Variants in SHISA9 observed in about 807,000 individuals in gnomAD.
The protein encoded by SHISA9 is shisa family member 9, also known as protein shisa-9.
Under a neutral mutation model 38.0 loss-of-function variants are expected in SHISA9, and 13 were observed. The ratio of observed to expected loss-of-function variants is 0.34; its 90% CI spans 0.22 to 0.54. SHISA9 has a LOEUF of 0.54. Among genes scored for constraint, SHISA9 ranks in the 20% least tolerant of loss-of-function variants. The pLI is 0.91. For synonymous variants in SHISA9, 275 were observed against 242.0 expected (o/e 1.14, Z -1.27); for missense variants, 538 against 575.8 (o/e 0.93, Z 0.67).
intron 2 of SHISA9, among the ~76,000 whole-genome samples, chr16:13,111,949 G>A (rs139069787): frequency 6.6e-6 from 1 of 152,252 alleles, no homozygotes; most frequent in African/African-American, 2.4e-5. Flanking sequence ...GGCTCAGAGA[G>A]GTTAGGAAAC....
chr16:13,463,569 A>T, the SHISA9 span, among the ~76,000 whole-genome samples: 1 of 152,216 alleles, frequency 6.6e-6, no homozygotes, highest in African/African-American at 2.4e-5. Context: ...TGCTTCTGGT[A>T]GCCAAGGTCT....
intron 2 of SHISA9, among the ~76,000 whole-genome samples, chr16:13,155,180 CTGGGATCAAA>C (rs2050533445): frequency 6.6e-6 from 1 of 152,096 alleles, no homozygotes; most frequent in Admixed American, 6.5e-5. Flanking sequence ...ATGGATTGAA[CTGGGATCAAA>C]TGGGATGAGT....
the SHISA9 span, among the ~76,000 whole-genome samples, chr16:13,519,719 C>T: frequency 3.3e-5 from 5 of 152,132 alleles, no homozygotes; most frequent in East Asian, 3.8e-4. Flanking sequence ...AAAGAATACA[C>T]GTCCTTCTTC....
At chr16:12,975,384 A>G (rs945501718) in intron 2 of SHISA9, among the ~76,000 whole-genome samples, 1 of 152,004 alleles carries the variant, frequency 6.6e-6, no homozygotes, top group African/African-American at 2.4e-5. Context: ...GGCACCTGTA[A>G]TCCCAGCTAC....
At chr16:13,146,817 T>A (rs966886758) in intron 2 of SHISA9, among the ~76,000 whole-genome samples, 5 of 152,200 alleles carry the variant, frequency 3.3e-5, no homozygotes, top group African/African-American at 1.2e-4. Flanking sequence ...ATGAATGGGA[T>A]CTGTTCTCCA....
intron 2 of SHISA9, among the ~76,000 whole-genome samples, chr16:13,058,268 G>T (rs1326370221): frequency 6.6e-6 from 1 of 152,166 alleles, no homozygotes; most frequent in Non-Finnish European, 1.5e-5. Context: ...AGGTTCCCAG[G>T]ACTAGTTCTA....
chr16:13,047,513 A>G (rs78418619), intron 2 of SHISA9, among the ~76,000 whole-genome samples: 1 of 152,130 alleles, frequency 6.6e-6, no homozygotes, highest in Non-Finnish European at 1.5e-5. Context: ...TTTTGAGCCA[A>G]AGAGCTCTGG....
At chr16:12,938,464 T>C (rs2071563624) in intron 2 of SHISA9, among the ~76,000 whole-genome samples, 1 of 152,178 alleles carries the variant, frequency 6.6e-6, no homozygotes, top group African/African-American at 2.4e-5. Flanking sequence ...TCAGCTTACA[T>C]TTATTGACTC....
intron 2 of SHISA9, among the ~76,000 whole-genome samples, chr16:12,938,664 A>T (rs887658429): frequency 1.3e-5 from 2 of 149,448 alleles, no homozygotes; most frequent in Non-Finnish European, 3.0e-5. Context: ...CGCCCAGCTA[A>T]TTTTTTTTTT....
At chr16:12,954,824 G>A (rs994232946) in intron 2 of SHISA9, among the ~76,000 whole-genome samples, 1 of 152,068 alleles carries the variant, frequency 6.6e-6, no homozygotes, top group Non-Finnish European at 1.5e-5. Context: ...AATTCCAAAG[G>A]CCAGAGTATT....
At chr16:12,946,263 G>A (rs1006538614) in intron 2 of SHISA9, among the ~76,000 whole-genome samples, 1 of 152,212 alleles carries the variant, frequency 6.6e-6, no homozygotes, top group South Asian at 2.1e-4. Flanking sequence ...ATAGTTTGCA[G>A]TCAGGTAGTG....
the SHISA9 span, among the ~76,000 whole-genome samples, chr16:13,560,272 T>G: frequency 9.2e-5 from 14 of 152,304 alleles, no homozygotes; most frequent in African/African-American, 3.4e-4. Context: ...CACCTGGAGA[T>G]TCTCACCTGA....
In SHISA9 at chr16:13,202,623, C is replaced by T. The variant is rs1195700551; in HGVS notation, c.692-771C>T. On this transcript the variant is annotated intron_variant, in intron 2 of 4. Coordinates refer to ENST00000558583, the MANE Select transcript of SHISA9 (RefSeq NM_001145204.3). ...ATAAGAAACTGTTCAAGTTTTCCTT[C>T]ATTTTTTCTAACACCTGAAAGATAT... Among the ~76,000 whole-genome samples, 2 of 80,424 alleles carry T rather than the reference C, an allele frequency of 2.5e-5. 1 individual carries two copies. The highest frequency in any genetic ancestry group is 1.1e-4 in the African/African-American group (2 of 17,800). The allele number at this position is 80,424 out of a possible 152,430, so 52.8% of individuals were successfully genotyped here. A position where few individuals can be genotyped will look rare whatever the true frequency, so the allele number is the denominator to read the frequency against.
chr16:13,230,607 C>A (rs186475265), intron 4 of SHISA9, among the ~76,000 whole-genome samples: 1 of 151,876 alleles, frequency 6.6e-6, no homozygotes, highest in Non-Finnish European at 1.5e-5. Context: ...ACCTTTGTTA[C>A]GGGAAAGGAG....
chr16:13,365,835 G>T, the SHISA9 span, among the ~76,000 whole-genome samples: 320 of 152,226 alleles, frequency 2.1e-3, 1 homozygote, highest in African/African-American at 7.1e-3. Flanking sequence ...ATTGTTGGAC[G>T]TGGAGGTGGA....
the SHISA9 span, among the ~76,000 whole-genome samples, chr16:13,281,982 TCA>T: frequency 6.6e-6 from 1 of 151,980 alleles, no homozygotes; most frequent in South Asian, 2.1e-4. Flanking sequence ...TTATTTTTAT[TCA>T]GTCAGTGCTA....
At chr16:13,092,568 C>T (rs776759612) in intron 2 of SHISA9, among the ~76,000 whole-genome samples, 7 of 152,222 alleles carry the variant, frequency 4.6e-5, no homozygotes, top group South Asian at 2.1e-4. Flanking sequence ...CCTCACATTT[C>T]GATCTCAGAC....
the SHISA9 span, among the ~76,000 whole-genome samples, chr16:13,466,220 G>A: frequency 3.9e-5 from 6 of 152,156 alleles, no homozygotes; most frequent in Admixed American, 1.3e-4. Context: ...AGACTGCCAC[G>A]CGGCCACTTG....
intron 2 of SHISA9, among the ~76,000 whole-genome samples, chr16:12,968,904 C>T (rs1027836379): frequency 6.6e-6 from 1 of 152,086 alleles, no homozygotes; most frequent in Non-Finnish European, 1.5e-5. Context: ...TGGTGGCTCA[C>T]ACCTGTAATC....
Sources: allele counts gnomAD v4.1 joint callset (sites outside exome capture counted in the v4.1 genomes callset), GRCh38; gene constraint gnomAD v4.1.1; transcripts MANE v1.5; gene names NCBI Gene and HGNC (gene_info 2026-07-23, HGNC 2026-07-21).